Variants in MTF1 observed in about 807,000 individuals in gnomAD.
The protein encoded by MTF1 is MRE-binding transcription factor.
In MTF1, 22 loss-of-function variants were observed where a neutral mutation model predicts 70.4. The ratio of observed to expected loss-of-function variants is 0.31; its 90% confidence interval spans 0.22 to 0.45. MTF1 has a LOEUF of 0.45. Ranked by LOEUF, MTF1 falls within the 20% of genes least tolerant of loss-of-function variation. The pLI is 1.00. For missense variants in MTF1, 649 were observed against 922.0 expected (o/e 0.70, Z 3.83); for synonymous variants, 333 against 352.8 (o/e 0.94, Z 0.63).
At chr1:37,850,487 AAGAC>A (rs1557598659) in intron 2 of MTF1, among the ~76,000 whole-genome samples, 1 of 151,400 alleles carries the variant, frequency 6.6e-6, no homozygotes, top group East Asian at 1.9e-4. Context: ...GGAAAGAAGA[AAGAC>A]AGAAAGGGAA....
chr1:37,849,151 C>T (rs1043096708), intron 2 of MTF1, among the ~76,000 whole-genome samples: 2 of 152,264 alleles, frequency 1.3e-5, no homozygotes, highest in South Asian at 2.1e-4. Flanking sequence ...GTAGGCCAGG[C>T]GCAGCAGCTC....
At chr1:37,826,292 C>T (rs1489342084) in intron 7 of MTF1, among the ~76,000 whole-genome samples, 1 of 151,998 alleles carries the variant, frequency 6.6e-6, no homozygotes, top group Non-Finnish European at 1.5e-5. Context: ...TCTTCTTTTC[C>T]CCCCCTTTTT....
rs3748803 is a variant in MTF1, at chr1:37,815,694, C to A, written c.1832-128G>T. On this transcript the variant is annotated intron_variant, in intron 10 of 10. Transcript: ENST00000373036. This position sits in a 1 kb window ranked among gnomAD's most constrained non-coding sequence, Gnocchi z 4.5. ...CATGGGAAGGATGGTTGCCACACTT[C>A]GGGCTTCGTTCTGCTTTAAATTGGA... The A allele has an allele frequency of 3.9e-4, 266 of 673,684 alleles. 2 individuals carry two copies. The East Asian group carries it at 6.8e-3, about 17-fold the overall frequency. 41.7% of individuals were successfully genotyped at this position (673,684 alleles called of 1,614,324 possible). A position where few individuals can be genotyped will look rare whatever the true frequency, so the allele number is the denominator to read the frequency against.
chr1:37,839,916 T>C lies in MTF1; in HGVS notation c.647+4A>G. The C allele has an allele frequency of 6.2e-7, 1 of 1,611,422 alleles. No homozygotes were observed. The highest frequency in any genetic ancestry group is 8.5e-7 in the Non-Finnish European group (1 of 1,177,612). On this transcript the variant is annotated splice_donor_region_variant and intron_variant, in intron 3 of 10. Transcript: ENST00000373036. The stretch of plus-strand genomic sequence containing the variant: ...GCTGGCAGAGCATTGGAGACGAGAC[T>C]GACCTGTACAGTGTGTTGAATGCCT...
At chr1:37,835,520 G>C in intron 5 of MTF1, 151 bp downstream of exon 5, 1 of 663,274 alleles carries the variant, frequency 1.5e-6, no homozygotes, top group East Asian at 2.7e-5. Context: ...GCCTCTGAAA[G>C]AAACCCAAAC....
intron 3 of MTF1, among the ~76,000 whole-genome samples, chr1:37,839,574 T>C (rs950151179): frequency 6.6e-6 from 1 of 152,164 alleles, no homozygotes; most frequent in Non-Finnish European, 1.5e-5. Flanking sequence ...ACAGAAGCCT[T>C]AGCACAAAGA....
chr1:37,857,835 G>T, intron 1 of MTF1, 126 bp from the exon 2 acceptor site: 1 of 593,448 alleles, frequency 1.7e-6, no homozygotes, highest in East Asian at 2.8e-5. Context: ...CCATCCTTGG[G>T]AATAATTTTT....
chr1:37,821,520 G>A (rs1226517099), intron 9 of MTF1, among the ~76,000 whole-genome samples: 1 of 151,662 alleles, frequency 6.6e-6, no homozygotes, highest in African/African-American at 2.4e-5. Context: ...TCTCTTTTCT[G>A]TATCCTCCAG....
At chr1:37,843,880 T>A (rs1569876454) in intron 2 of MTF1, among the ~76,000 whole-genome samples, 1 of 16,164 alleles carries the variant, frequency 6.2e-5, no homozygotes, top group Non-Finnish European at 2.2e-4. Context: ...CCCCCATCCA[T>A]CCAACCCCCA....
At chr1:37,832,182 A>T in intron 7 of MTF1, 63 bp downstream of exon 7, 1 of 1,093,158 alleles carries the variant, frequency 9.1e-7, no homozygotes, top group Non-Finnish European at 1.4e-6. Flanking sequence ...CAATTTTCCC[A>T]CCAAAGGGAG....
At chr1:37,829,590 GGC>G (rs1641055280) in intron 7 of MTF1, among the ~76,000 whole-genome samples, 1 of 152,042 alleles carries the variant, frequency 6.6e-6, no homozygotes, top group Non-Finnish European at 1.5e-5. Flanking sequence ...AGACCATCCT[GGC>G]TAGCATGGTG....
intron 2 of MTF1, among the ~76,000 whole-genome samples, chr1:37,847,987 A>T (rs950464757): frequency 1.3e-5 from 2 of 152,200 alleles, no homozygotes; most frequent in Non-Finnish European, 2.9e-5. Context: ...AATAAAACAC[A>T]GTTATAAATG....
At chr1:37,820,625 A>C (rs889325288) in intron 9 of MTF1, among the ~76,000 whole-genome samples, 1 of 152,238 alleles carries the variant, frequency 6.6e-6, no homozygotes, top group African/African-American at 2.4e-5. Context: ...AAGTGGTAGA[A>C]GGGATGAATA....
chr1:37,828,017 G>A (rs1430519191), intron 7 of MTF1, among the ~76,000 whole-genome samples: 1 of 152,118 alleles, frequency 6.6e-6, no homozygotes. Context: ...TATTCATTTA[G>A]TGTATTGTGG....
At chr1:37,825,502 GC>G (rs1393568717) in intron 7 of MTF1, among the ~76,000 whole-genome samples, 1 of 152,170 alleles carries the variant, frequency 6.6e-6, no homozygotes, top group Non-Finnish European at 1.5e-5. Flanking sequence ...CTCCCAAAGT[GC>G]TGGGATTATA....
intron 2 of MTF1, among the ~76,000 whole-genome samples, chr1:37,849,947 G>C (rs184217437): frequency 1.3e-5 from 2 of 152,254 alleles, no homozygotes; most frequent in Admixed American, 1.3e-4. Context: ...ACTTGGAGTA[G>C]AAAGGCCTTA....
chr1:37,817,884 TC>T (rs1366706460), intron 9 of MTF1, among the ~76,000 whole-genome samples: 1 of 152,254 alleles, frequency 6.6e-6, no homozygotes, highest in Admixed American at 6.5e-5. Context: ...GTTCTTTTTT[TC>T]CCCCTCAGAG....
At chr1:37,828,289 G>A (rs1389945525) in intron 7 of MTF1, 1 of 394,476 alleles carries the variant, frequency 2.5e-6, no homozygotes, top group South Asian at 1.8e-5. Context: ...CTGGGGTGCT[G>A]GGAATGTTAT....
At position 37,859,519 on chromosome 1, in the gene MTF1, T is replaced by G; in HGVS notation, c.-52+12A>C. 1 of 399,036 alleles carries G rather than the reference T, an allele frequency of 2.5e-6. No individual in the cohort carries two copies. The highest frequency in any genetic ancestry group is 4.4e-5 in the Admixed American group (1 of 22,730). The allele number at this position is 399,036 out of a possible 1,614,324, so 24.7% of individuals were successfully genotyped here. On this transcript the variant is annotated intron_variant, in intron 1 of 10. Coordinates refer to ENST00000373036, the MANE Select transcript of MTF1 (RefSeq NM_005955.3). ...GTCCCAAGCCCAGGCCGAGTCTAGT[T>G]TCGCCTTTTACCTCCGCGGCTCCCG...
Sources: allele counts gnomAD v4.1 joint callset (sites outside exome capture counted in the v4.1 genomes callset), GRCh38; gene constraint gnomAD v4.1.1; non-coding constraint Gnocchi (gnomAD v3.1); transcripts MANE v1.5; gene names NCBI Gene and HGNC (gene_info 2026-07-23, HGNC 2026-07-21).